NTM: variants seen among roughly 807,000 people sequenced by gnomAD.
NTM encodes neurotrimin.
In NTM, 13 loss-of-function variants were observed where a neutral mutation model predicts 42.1. The observed-to-expected ratio is 0.31, with a 90% CI of 0.20 to 0.49. The LOEUF is 0.49. Among genes scored for constraint, NTM ranks in the 20% least tolerant of loss-of-function variants. NTM has a pLI of 0.99. For missense variants in NTM, 373 were observed against 452.8 expected (o/e 0.82, Z 1.60); for synonymous variants, 187 against 179.2 (o/e 1.04, Z -0.35).
intron 1 of NTM, among the ~76,000 whole-genome samples, chr11:131,870,053 C>T (rs532527054): frequency 6.6e-6 from 1 of 152,202 alleles, no homozygotes; most frequent in Non-Finnish European, 1.5e-5. Flanking sequence ...ATGAATGGCC[C>T]TCACCTTCAG....
chr11:131,524,066 T>C (rs1217847368), intron 1 of NTM, among the ~76,000 whole-genome samples: 3 of 152,066 alleles, frequency 2.0e-5, no homozygotes, highest in Admixed American at 6.5e-5. Context: ...ACCATCCTGA[T>C]TTGTGGATGG....
At chr11:131,998,163 A>G (rs1019257394) in intron 2 of NTM, among the ~76,000 whole-genome samples, 1 of 152,104 alleles carries the variant, frequency 6.6e-6, no homozygotes, top group Admixed American at 6.5e-5. Context: ...AAAAGTCCTG[A>G]CAGGAGTCAT....
intron 2 of NTM, among the ~76,000 whole-genome samples, chr11:132,084,626 C>T (rs2059481399): frequency 6.6e-6 from 1 of 152,034 alleles, no homozygotes. Flanking sequence ...TTTCAGATTA[C>T]CATAAGTTAT....
chr11:131,942,137 A>G (rs909814216), intron 2 of NTM, among the ~76,000 whole-genome samples: 6 of 152,224 alleles, frequency 3.9e-5, no homozygotes, highest in African/African-American at 1.4e-4. Context: ...CCAGCTGTAA[A>G]GTAAATGGAA....
At chr11:131,940,181 A>G (rs2059645426) in intron 2 of NTM, among the ~76,000 whole-genome samples, 2 of 152,306 alleles carry the variant, frequency 1.3e-5, no homozygotes, top group Admixed American at 1.3e-4. Context: ...TACATCTCTA[A>G]CCTGGAGAGT....
chr11:131,731,571 G>A (rs370529472), intron 1 of NTM, among the ~76,000 whole-genome samples: 6 of 152,118 alleles, frequency 3.9e-5, no homozygotes, highest in African/African-American at 7.2e-5. Context: ...GGTCATGGCC[G>A]GGGCACCAAT....
intron 1 of NTM, among the ~76,000 whole-genome samples, chr11:131,888,556 G>C (rs1049212763): frequency 6.6e-6 from 1 of 151,932 alleles, no homozygotes; most frequent in African/African-American, 2.4e-5. Flanking sequence ...GGTCTCTTGT[G>C]GTACCTGCCT....
chr11:132,064,699 G>C (rs953848451), intron 2 of NTM, among the ~76,000 whole-genome samples: 4 of 152,148 alleles, frequency 2.6e-5, no homozygotes, highest in Non-Finnish European at 5.9e-5. Context: ...AGGCAGAGAA[G>C]ACTAACTGAT....
intron 1 of NTM, among the ~76,000 whole-genome samples, chr11:131,851,656 T>G (rs558158263): frequency 6.6e-6 from 1 of 152,024 alleles, no homozygotes; most frequent in Non-Finnish European, 1.5e-5. Context: ...ATCTTTCTTC[T>G]GTGCCACTGA....
intron 1 of NTM, among the ~76,000 whole-genome samples, chr11:131,580,968 G>A (rs772310903): frequency 3.9e-5 from 6 of 152,176 alleles, no homozygotes; most frequent in African/African-American, 7.2e-5. Context: ...TGCTTGGTCA[G>A]TAGACAACAA....
chr11:132,141,142 C>G (rs1444790511), intron 2 of NTM: 1 of 152,196 alleles, frequency 6.6e-6, no homozygotes, highest in African/African-American at 2.4e-5. Flanking sequence ...TTGCAACACT[C>G]TCTTTGCCCA....
At chr11:131,583,721 G>A (rs1286722769) in intron 1 of NTM, among the ~76,000 whole-genome samples, 1 of 152,170 alleles carries the variant, frequency 6.6e-6, no homozygotes, top group African/African-American at 2.4e-5. Context: ...ACGAATTGGA[G>A]GCAGGACTCT....
chr11:131,832,863 G>T (rs1400555654), intron 1 of NTM, among the ~76,000 whole-genome samples: 2 of 152,202 alleles, frequency 1.3e-5, no homozygotes, highest in Admixed American at 1.3e-4. Flanking sequence ...AAACTGTTAA[G>T]TTCTATCCAA....
chr11:132,268,657 C>CCT (rs71870444), intron 4 of NTM, among the ~76,000 whole-genome samples: 27 of 135,054 alleles, frequency 2.0e-4, no homozygotes, highest in South Asian at 8.3e-4. Context: ...GGTGTGGGGT[C>CCT]CTCTCTCTCT....
intron 1 of NTM, among the ~76,000 whole-genome samples, chr11:131,417,516 G>A (rs61901880): frequency 0.12 from 17,916 of 152,176 alleles, 1,383 homozygotes; most frequent in South Asian, 0.18. Context: ...CTAGCCCTTA[G>A]TTCTGACCTG....
chr11:131,474,505 G>A (rs1211232592), intron 1 of NTM, among the ~76,000 whole-genome samples: 1 of 152,024 alleles, frequency 6.6e-6, no homozygotes, highest in African/African-American at 2.4e-5. Context: ...AGAGTCACCT[G>A]GATGGTTCCC....
chr11:131,641,594 G>C (rs2658851), intron 1 of NTM, among the ~76,000 whole-genome samples: 26,662 of 152,170 alleles, frequency 0.18, 2,596 homozygotes, highest in South Asian at 0.23. Flanking sequence ...ATTTCCAAGG[G>C]GGGGAAGCTA....
At chr11:132,207,038 A>T (rs1259183170) in intron 3 of NTM, among the ~76,000 whole-genome samples, 2 of 152,176 alleles carry the variant, frequency 1.3e-5, no homozygotes, top group East Asian at 3.9e-4. Flanking sequence ...TATACCTAGC[A>T]CACCATTGTG....
Position 131,790,750 on chromosome 11 carries a change from T to C in NTM, c.83-120814T>C, listed in dbSNP as rs73023408. On this transcript the variant is annotated intron_variant, in intron 1 of 8. Coordinates refer to ENST00000683400, the MANE Select transcript of NTM (RefSeq NM_001352005.2). ...TTACAGCTCACAAGACAGTAAGTCC[T>C]GTGGGAATTCTCTCCATAGCAATTT... 2.3e-3 allele frequency among the ~76,000 whole-genome samples: 352 copies of C among 152,324 alleles called. 2 individuals are homozygous for C. The highest frequency in any genetic ancestry group is 5.9e-3 in the Admixed American group (90 of 15,304).
Sources: gnomAD v4.1 joint callset for allele counts (sites outside exome capture counted in the v4.1 genomes callset) on GRCh38, gnomAD v4.1.1 for gene constraint, MANE v1.5 for transcripts, NCBI Gene and HGNC (gene_info 2026-07-23, HGNC 2026-07-21) for gene names.